Variants in KHDC1 observed in about 807,000 individuals in gnomAD.
KHDC1 encodes the protein KH domain containing 1, also known as KH homology domain-containing protein 1.
Under a neutral mutation model 24.7 loss-of-function variants are expected in KHDC1, and 21 were observed. The observed-to-expected ratio is 0.85, with a 90% CI of 0.60 to 1.23. KHDC1 has a LOEUF of 1.23. Ranked by LOEUF, KHDC1 falls within the 50% of genes most tolerant of loss-of-function variation. KHDC1 has a pLI of 0.00. For missense variants in KHDC1, 274 were observed against 298.5 expected, an observed-to-expected ratio of 0.92 and a Z score of 0.61; for synonymous variants, 98 against 111.7, an observed-to-expected ratio of 0.88 and a Z score of 0.77.
intron 2 of KHDC1, among the ~76,000 whole-genome samples, chr6:73,256,961 A>C (rs1766889396): frequency 6.6e-6 from 1 of 152,178 alleles, no homozygotes; most frequent in African/African-American, 2.4e-5. Context: ...GATCCTTACA[A>C]AAAATTTCCC....
chr6:73,293,375 T>C, intron 1 of KHDC1: 1 of 435,020 alleles, frequency 2.3e-6, no homozygotes, highest in Non-Finnish European at 4.3e-6. Flanking sequence ...AACAACATAT[T>C]GAGTGTAAAT....
chr6:73,244,776 C>T (rs1320484876), intron 2 of KHDC1, among the ~76,000 whole-genome samples: 1 of 151,656 alleles, frequency 6.6e-6, no homozygotes, highest in Non-Finnish European at 1.5e-5. Context: ...TTACTAAAAA[C>T]TAAAAAAATA....
At chr6:73,306,036 T>A (rs1252647955) in intron 1 of KHDC1, among the ~76,000 whole-genome samples, 1 of 152,208 alleles carries the variant, frequency 6.6e-6, no homozygotes. Flanking sequence ...AGCAGGTACA[T>A]ATGCATTTAG....
intron 1 of KHDC1, chr6:73,293,020 G>A: frequency 9.9e-7 from 1 of 1,011,574 alleles, no homozygotes; most frequent in Admixed American, 1.8e-5. Flanking sequence ...CAGACAAATT[G>A]AACATGACTC....
At chr6:73,288,248 C>T (rs1029104780) in intron 2 of KHDC1, among the ~76,000 whole-genome samples, 2 of 152,216 alleles carry the variant, frequency 1.3e-5, no homozygotes, top group African/African-American at 2.4e-5. Context: ...CTGATTAACA[C>T]AACCTTTGAT....
At chr6:73,282,806 A>G (rs533915197) in intron 2 of KHDC1, among the ~76,000 whole-genome samples, 4 of 152,100 alleles carry the variant, frequency 2.6e-5, no homozygotes, top group African/African-American at 9.7e-5. Flanking sequence ...GACCTAACCA[A>G]TCAACACTCG....
At chr6:73,295,423 C>T (rs71573589) in intron 1 of KHDC1, among the ~76,000 whole-genome samples, 10,101 of 152,200 alleles carry the variant, frequency 0.066, 358 homozygotes, top group East Asian at 0.13. Flanking sequence ...GAATCTAGGT[C>T]GGGCACAGTG....
At chr6:73,242,359 C>A in intron 3 of KHDC1, 47 bp downstream of exon 2, 1 of 1,613,240 alleles carries the variant, frequency 6.2e-7, no homozygotes, top group South Asian at 1.1e-5. Context: ...AGAGTGAAAA[C>A]TGAGAAGACA....
intron 2 of KHDC1, among the ~76,000 whole-genome samples, chr6:73,245,707 G>A (rs967733602): frequency 6.6e-6 from 1 of 152,044 alleles, no homozygotes; most frequent in African/African-American, 2.4e-5. Flanking sequence ...TTGTTAAAAG[G>A]CATTTTGGAG....
intron 2 of KHDC1, chr6:73,275,876 C>T (rs978403731): frequency 3.3e-5 from 5 of 152,582 alleles, no homozygotes; most frequent in Non-Finnish European, 7.3e-5. Context: ...CCAGAAGGTG[C>T]TGGTGCCAGA....
At chr6:73,260,029 G>A (rs1208719636) in intron 2 of KHDC1, among the ~76,000 whole-genome samples, 1 of 152,132 alleles carries the variant, frequency 6.6e-6, no homozygotes. Context: ...TGAAAAGTAA[G>A]TCATCAGGGT....
intron 2 of KHDC1, among the ~76,000 whole-genome samples, chr6:73,259,308 G>GTTTTTTTTT: frequency 1.6e-5 from 1 of 63,436 alleles, no homozygotes; most frequent in Admixed American, 1.9e-4. Flanking sequence ...TTTTTTTTGA[G>GTTTTTTTTT]ACGGAGTCTC....
chr6:73,291,507 G>A (rs562187832), intron 2 of KHDC1, among the ~76,000 whole-genome samples: 9 of 151,198 alleles, frequency 6.0e-5, no homozygotes, highest in Non-Finnish European at 1.2e-4. Context: ...TTAATTCTTC[G>A]TAGAGATAGA....
At chr6:73,289,739 A>G (rs1767603464) in intron 2 of KHDC1, among the ~76,000 whole-genome samples, 2 of 152,096 alleles carry the variant, frequency 1.3e-5, no homozygotes, top group African/African-American at 4.8e-5. Flanking sequence ...AGTGGGGCAG[A>G]CCACAAGGTC....
intron 2 of KHDC1, chr6:73,263,414 T>G: frequency 2.2e-6 from 1 of 444,738 alleles, no homozygotes; most frequent in Non-Finnish European, 3.0e-6. Flanking sequence ...GCGGAGCTGC[T>G]TGGTGAGTGG....
At chr6:73,289,301 T>G (rs141726374) in intron 2 of KHDC1, among the ~76,000 whole-genome samples, 1,784 of 116,864 alleles carry the variant, frequency 0.015, 23 homozygotes, top group Non-Finnish European at 0.021. Context: ...ACCACTGCAC[T>G]CCGGCCTGGG....
intron 2 of KHDC1, among the ~76,000 whole-genome samples, chr6:73,254,101 A>C (rs1319476726): frequency 2.0e-5 from 3 of 152,198 alleles, no homozygotes; most frequent in African/African-American, 7.2e-5. Flanking sequence ...ATTAGCAAAT[A>C]TTTTATAGGC....
chr6:73,242,862 G>A (rs1427786779), intron 2 of KHDC1, among the ~76,000 whole-genome samples: 1 of 152,154 alleles, frequency 6.6e-6, no homozygotes, highest in Admixed American at 6.5e-5. Context: ...GAGGGATGGA[G>A]GTGCAAGAAG....
intron 2 of KHDC1, among the ~76,000 whole-genome samples, chr6:73,287,626 C>A (rs1767548479): frequency 6.6e-6 from 1 of 152,164 alleles, no homozygotes; most frequent in East Asian, 1.9e-4. Flanking sequence ...GTTCCCTCTT[C>A]CTTCCCACAA....
Sources: allele counts gnomAD v4.1 joint callset (sites outside exome capture counted in the v4.1 genomes callset), GRCh38; gene constraint gnomAD v4.1.1; transcripts MANE v1.5; gene names NCBI Gene and HGNC (gene_info 2026-07-23, HGNC 2026-07-21).